The following TBC1D21 variants were observed in gnomAD, a reference collection of about 807,000 sequenced individuals.
TBC1D21 encodes the protein TBC1 domain family member 21.
Under a neutral mutation model 46.0 loss-of-function variants are expected in TBC1D21, and 38 were observed. That is an observed-to-expected ratio of 0.83 (90% CI 0.64 to 1.08). The LOEUF (loss-of-function observed/expected upper bound fraction) is 1.08, where lower values mean the gene tolerates loss of function less well. Ranked by LOEUF, TBC1D21 falls within the 50% of genes least tolerant of loss-of-function variation. The pLI is 0.00. For missense variants in TBC1D21, 415 were observed against 417.9 expected (o/e 0.99, Z 0.06); for synonymous variants, 151 against 157.2 (o/e 0.96, Z 0.29).
chr15:73,887,746 C>A lies in TBC1D21; in HGVS notation c.894+10C>A. 1 of 1,609,520 alleles carries A rather than the reference C, an allele frequency of 6.2e-7. No individual in the cohort carries two copies. The highest frequency in any genetic ancestry group is 8.5e-7 in the Non-Finnish European group (1 of 1,176,902). On this transcript the variant is annotated intron_variant, in intron 9 of 10. Transcript: ENST00000300504. ...GGATGACATCCTCCTGGTGAGAGCA[C>A]CCTCGGGCAAGCTACCACCCCTGCT...
intron 1 of TBC1D21, among the ~76,000 whole-genome samples, chr15:73,880,271 C>T (rs2057146779): frequency 6.6e-6 from 1 of 150,826 alleles, no homozygotes. Flanking sequence ...TACACACACA[C>T]ATGTTCACAT....
chr15:73,886,375 G>C, intron 7 of TBC1D21, 137 bp from the exon 8 acceptor site: 2 of 896,938 alleles, frequency 2.2e-6, no homozygotes, highest in South Asian at 3.1e-5. Flanking sequence ...CATCTCCCAG[G>C]GCAGCTGGAA....
the TBC1D21 span, among the ~76,000 whole-genome samples, chr15:73,906,814 A>G: frequency 6.6e-6 from 1 of 152,160 alleles, no homozygotes; most frequent in African/African-American, 2.4e-5. Flanking sequence ...AGTTGTGCTG[A>G]GTGTTGGTTT....
downstream of TBC1D21, among the ~76,000 whole-genome samples, chr15:73,894,078 G>A (rs745866129): frequency 4.6e-5 from 7 of 152,176 alleles, no homozygotes; most frequent in African/African-American, 1.2e-4. Context: ...CATTACCAGC[G>A]AGGAACCTGA....
At chr15:73,888,732 TTCCTCC>T (rs145470804) in intron 10 of TBC1D21, among the ~76,000 whole-genome samples, 2 of 148,616 alleles carry the variant, frequency 1.3e-5, no homozygotes, top group African/African-American at 2.5e-5. Context: ...CCTCCTCTTC[TTCCTCC>T]TCCTCCTCCT....
intron 3 of TBC1D21, among the ~76,000 whole-genome samples, chr15:73,882,955 C>T (rs912017972): frequency 6.6e-6 from 1 of 152,242 alleles, no homozygotes; most frequent in Non-Finnish European, 1.5e-5. Flanking sequence ...GAGGCTGCAG[C>T]CAGTTTGCCT....
intron 6 of TBC1D21, 31 bp from the exon 7 acceptor site, chr15:73,886,047 G>T (rs748654518): frequency 1.9e-6 from 3 of 1,604,784 alleles, no homozygotes; most frequent in East Asian, 2.2e-5. Context: ...AGCCAAGGGG[G>T]ACTCAGTCTG....
chr15:73,884,151 G>A lies in TBC1D21; in HGVS notation c.273G>A (p.Arg91=). The change falls in exon 4 of 11, where the codon AGG becomes AGA. Residue 91 remains arginine, a splice_region_variant and synonymous_variant. Coordinates refer to ENST00000300504, the MANE Select transcript of TBC1D21 (RefSeq NM_153356.3). ...TTCAGCCTCAGTTCTGTTCTCACAGGAAGAACTACAAGGCCTTATGCCAAA... is the reference window on the plus strand; with the variant it reads ...TTCAGCCTCAGTTCTGTTCTCACAGAAAGAACTACAAGGCCTTATGCCAAA... The part of the protein sequence containing the change: ...DERLTVDSMR[R]KNYKALCQMY... 6.2e-7 allele frequency: 1 copy of A among 1,613,812 alleles called. No homozygotes were observed. The highest frequency in any genetic ancestry group is 1.1e-5 in the South Asian group (1 of 91,084).
downstream of TBC1D21, among the ~76,000 whole-genome samples, chr15:73,892,150 T>C (rs966437890): frequency 6.6e-6 from 1 of 152,222 alleles, no homozygotes; most frequent in African/African-American, 2.4e-5. Context: ...TCAGGCAGAC[T>C]ACCGGATGAC....
chr15:73,904,284 CTG>C, the TBC1D21 span, among the ~76,000 whole-genome samples: 1 of 152,146 alleles, frequency 6.6e-6, no homozygotes, highest in Non-Finnish European at 1.5e-5. Context: ...GTGGGCTGCT[CTG>C]TAGCCAGCCA....
chr15:73,889,692 G>A (rs1362293518), downstream of TBC1D21, among the ~76,000 whole-genome samples: 1 of 152,234 alleles, frequency 6.6e-6, no homozygotes, highest in Non-Finnish European at 1.5e-5. Flanking sequence ...TGGTTTCAAA[G>A]CCTCCCTCAT....
At chr15:73,884,669 T>G in intron 4 of TBC1D21, 112 bp from the exon 5 acceptor site, 1 of 714,012 alleles carries the variant, frequency 1.4e-6, no homozygotes, top group Non-Finnish European at 2.4e-6. Context: ...CACAGCTCCC[T>G]CTCCCTCCAG....
intron 8 of TBC1D21, among the ~76,000 whole-genome samples, chr15:73,887,206 C>G (rs891405059): frequency 6.6e-6 from 1 of 152,214 alleles, no homozygotes; most frequent in Non-Finnish European, 1.5e-5. Flanking sequence ...TCTTGGCTGG[C>G]TGGTCTCCAT....
chr15:73,880,954 G>A (rs529626413), intron 1 of TBC1D21, among the ~76,000 whole-genome samples: 2 of 151,954 alleles, frequency 1.3e-5, no homozygotes. Context: ...AATATATAAC[G>A]GACACAATAC....
chr15:73,893,387 T>A (rs1226565401), downstream of TBC1D21, among the ~76,000 whole-genome samples: 4 of 152,198 alleles, frequency 2.6e-5, no homozygotes, highest in African/African-American at 9.7e-5. Context: ...CCAGGCCCCA[T>A]CCAAGCTTTC....
chr15:73,893,540 A>G (rs1371858029), downstream of TBC1D21, among the ~76,000 whole-genome samples: 3 of 152,166 alleles, frequency 2.0e-5, no homozygotes, highest in East Asian at 5.8e-4. Flanking sequence ...TTCTCTGGCT[A>G]CATTGAATGA....
chr15:73,896,316 A>C, the TBC1D21 span, among the ~76,000 whole-genome samples: 1 of 152,210 alleles, frequency 6.6e-6, no homozygotes, highest in Non-Finnish European at 1.5e-5. Context: ...GGTGGAAGTC[A>C]TGGCGAGGAG....
At position 73,876,535 on chromosome 15, in the gene TBC1D21, G is replaced by A. The variant is rs150516494; in HGVS notation, c.60+2766G>A. On this transcript the variant is annotated intron_variant, in intron 1 of 10. Transcript: ENST00000300504. ...TGGGATTACAGGCGTGAGCCACCGC[G>A]CCCGGCCGAAGCAGTGACTTTTTAT... 2.8e-3 allele frequency among the ~76,000 whole-genome samples: 426 copies of A among 151,620 alleles called. 1 individual carries two copies. Among genetic ancestry groups the A allele is most frequent in the African/African-American group, 9.8e-3 (404 of 41,352 alleles).
chr15:73,890,622 A>G (rs1427260469), downstream of TBC1D21, among the ~76,000 whole-genome samples: 1 of 152,226 alleles, frequency 6.6e-6, no homozygotes, highest in African/African-American at 2.4e-5. Context: ...ATCAATAGAA[A>G]CATCAGATGA....
Sources: gnomAD v4.1 joint callset for allele counts (sites outside exome capture counted in the v4.1 genomes callset) on GRCh38, gnomAD v4.1.1 for gene constraint, MANE v1.5 for transcripts, NCBI Gene and HGNC (gene_info 2026-07-23, HGNC 2026-07-21) for gene names.